ANK3: variants seen among roughly 807,000 people sequenced by gnomAD.
ANK3 encodes the protein ankyrin 3.
Under a neutral mutation model 370.9 loss-of-function variants are expected in ANK3, and 57 were observed. The ratio of observed to expected loss-of-function variants is 0.15; its 90% CI spans 0.12 to 0.19. The LOEUF is 0.19. Among genes scored for constraint, ANK3 ranks in the 10% least tolerant of loss-of-function variants. The pLI is 1.00. For missense variants in ANK3, 4,439 were observed against 5,302.1 expected, an observed-to-expected ratio of 0.84 and a Z score of 5.06; for synonymous variants, 1,929 against 1,946.3, an observed-to-expected ratio of 0.99 and a Z score of 0.23.
At chr10:60,698,905 T>TAAC (rs2079507332) in intron 1 of ANK3, among the ~76,000 whole-genome samples, 1 of 141,612 alleles carries the variant, frequency 7.1e-6, no homozygotes, top group Non-Finnish European at 1.6e-5. Flanking sequence ...AGTATAATAA[T>TAAC]AATAATAATA....
At chr10:60,178,583 A>G (rs2096048928) in intron 18 of ANK3, among the ~76,000 whole-genome samples, 2 of 152,232 alleles carry the variant, frequency 1.3e-5, no homozygotes, top group Non-Finnish European at 2.9e-5. Context: ...TCTCTAAACT[A>G]TGAATTCTAT....
chr10:60,106,753 T>C (rs908007911), intron 27 of ANK3, among the ~76,000 whole-genome samples: 3 of 152,282 alleles, frequency 2.0e-5, no homozygotes, highest in Non-Finnish European at 2.9e-5. Flanking sequence ...TGCAAAGGAA[T>C]GTAAAAGAAT....
chr10:60,095,882 G>A (rs1000180734), intron 28 of ANK3, among the ~76,000 whole-genome samples: 5 of 152,098 alleles, frequency 3.3e-5, no homozygotes, highest in African/African-American at 7.2e-5. Context: ...TATTTTAAAA[G>A]TATATCAGAG....
At chr10:60,046,247 T>A (rs1230844059) in intron 42 of ANK3, among the ~76,000 whole-genome samples, 2 of 152,194 alleles carry the variant, frequency 1.3e-5, no homozygotes, top group Non-Finnish European at 2.9e-5. Context: ...AACCCAAAAT[T>A]TTATTTTAAA....
intron 1 of ANK3, among the ~76,000 whole-genome samples, chr10:60,678,479 A>G (rs1273555923): frequency 1.3e-5 from 2 of 152,184 alleles, no homozygotes; most frequent in African/African-American, 4.8e-5. Flanking sequence ...AGCAAAATAC[A>G]AGGCTTACCT....
intron 42 of ANK3, chr10:60,042,990 A>G (rs1262650123): frequency 7.6e-6 from 10 of 1,308,600 alleles, no homozygotes; most frequent in Middle Eastern, 5.8e-4. Flanking sequence ...CTTGACAATA[A>G]TTCAGTAAGT....
chr10:60,504,486 C>T (rs2075883719), intron 2 of ANK3, among the ~76,000 whole-genome samples: 2 of 151,836 alleles, frequency 1.3e-5, no homozygotes, highest in Non-Finnish European at 2.9e-5. Flanking sequence ...GGCTTTTTTC[C>T]CCCCCAGAAT....
At chr10:60,306,193 C>T (rs1057172077) in intron 1 of ANK3, among the ~76,000 whole-genome samples, 1 of 151,882 alleles carries the variant, frequency 6.6e-6, no homozygotes, top group African/African-American at 2.4e-5. Flanking sequence ...GTAGTCTTTC[C>T]TCTCTCACTC....
chr10:60,642,560 C>T (rs1212713623), intron 1 of ANK3, among the ~76,000 whole-genome samples: 2 of 151,286 alleles, frequency 1.3e-5, no homozygotes, highest in African/African-American at 4.9e-5. Context: ...CATGTTCTCA[C>T]TCATAGGTGG....
intron 2 of ANK3, among the ~76,000 whole-genome samples, chr10:60,501,473 G>A (rs545268397): frequency 1.3e-5 from 2 of 152,264 alleles, no homozygotes; most frequent in South Asian, 4.1e-4. Flanking sequence ...AGGAGGCCGA[G>A]GCAGGCAGAT....
chr10:60,194,858 T>A (rs1024807958), intron 16 of ANK3, among the ~76,000 whole-genome samples: 6 of 152,192 alleles, frequency 3.9e-5, no homozygotes, highest in African/African-American at 1.4e-4. Context: ...TCACTGGGTA[T>A]AATTCTGGAG....
chr10:60,095,967 A>C (rs2090039062), intron 28 of ANK3, among the ~76,000 whole-genome samples: 1 of 152,178 alleles, frequency 6.6e-6, no homozygotes, highest in African/African-American at 2.4e-5. Flanking sequence ...TGAGATCAGG[A>C]GTTCAAGACC....
At chr10:60,195,604 A>C (rs2096574819) in intron 16 of ANK3, among the ~76,000 whole-genome samples, 1 of 152,146 alleles carries the variant, frequency 6.6e-6, no homozygotes, top group Non-Finnish European at 1.5e-5. Context: ...TTTGTCCCTC[A>C]AATTAGATTA....
At chr10:60,486,092 G>A (rs1284367724) in intron 2 of ANK3, among the ~76,000 whole-genome samples, 1 of 152,124 alleles carries the variant, frequency 6.6e-6, no homozygotes, top group Non-Finnish European at 1.5e-5. Flanking sequence ...TTTACCAACT[G>A]GCAAGAGACT....
intron 8 of ANK3, among the ~76,000 whole-genome samples, chr10:60,218,097 C>CTTTTTTTTTTTTTTTTTTTTT (rs199989242): frequency 1.6e-5 from 2 of 126,164 alleles, no homozygotes; most frequent in African/African-American, 6.4e-5. Context: ...CTTTTTCTTT[C>CTTTTTTTTTTTTTTTTTTTTT]TTTTTTTTTT....
intron 1 of ANK3, among the ~76,000 whole-genome samples, chr10:60,732,480 C>T (rs2080037294): frequency 1.3e-5 from 2 of 152,130 alleles, no homozygotes; most frequent in Admixed American, 6.5e-5. Context: ...CGGTTTTGCT[C>T]GTCAGGCAAC....
intron 5 of ANK3, among the ~76,000 whole-genome samples, chr10:60,264,393 C>T (rs148575326): frequency 0.021 from 3,167 of 152,204 alleles, 61 homozygotes; most frequent in Non-Finnish European, 0.035. Flanking sequence ...TGCCTGTAAT[C>T]TCAGCACTTT....
chr10:60,239,737 A>C (rs2097395888), intron 7 of ANK3, among the ~76,000 whole-genome samples: 1 of 152,144 alleles, frequency 6.6e-6, no homozygotes, highest in Admixed American at 6.5e-5. Flanking sequence ...GATGGTCCAA[A>C]GTAAAGACAA....
At chr10:60,535,525 G>A (rs1371513976) in intron 2 of ANK3, among the ~76,000 whole-genome samples, 1 of 152,006 alleles carries the variant, frequency 6.6e-6, no homozygotes, top group Admixed American at 6.6e-5. Context: ...GCAGCCTAAT[G>A]TTACATCTAA....
Sources: allele counts gnomAD v4.1 joint callset (sites outside exome capture counted in the v4.1 genomes callset), GRCh38; gene constraint gnomAD v4.1.1; transcripts MANE v1.5; gene names NCBI Gene and HGNC (gene_info 2026-07-23, HGNC 2026-07-21).